The following ERC1 variants were observed in gnomAD, a reference collection of about 807,000 sequenced individuals.
ERC1 encodes ELKS/RAB6-interacting/CAST family member 1.
Under a neutral mutation model 132.0 loss-of-function variants are expected in ERC1, and 56 were observed. The ratio of observed to expected loss-of-function variants is 0.42; its 90% CI spans 0.34 to 0.53. The LOEUF (loss-of-function observed/expected upper bound fraction) is 0.53. Among genes scored for constraint, ERC1 ranks in the 20% least tolerant of loss-of-function variants. ERC1 has a pLI of 0.03. For synonymous variants in ERC1, 478 were observed against 476.1 expected (o/e 1.00, Z -0.05); for missense variants, 1,202 against 1,349.9 (o/e 0.89, Z 1.72).
At chr12:1,313,301 T>C (rs2081445186) in intron 15 of ERC1, among the ~76,000 whole-genome samples, 1 of 152,098 alleles carries the variant, frequency 6.6e-6, no homozygotes, top group Non-Finnish European at 1.5e-5. Flanking sequence ...GCCAGAACTT[T>C]GTAGCGTGCC....
At chr12:1,104,398 A>C (rs1945019174) in intron 3 of ERC1, among the ~76,000 whole-genome samples, 1 of 152,152 alleles carries the variant, frequency 6.6e-6, no homozygotes, top group Non-Finnish European at 1.5e-5. Context: ...TCTAATCCCC[A>C]TTTTGGATCA....
At chr12:1,252,172 A>G (rs1268734214) in intron 13 of ERC1, among the ~76,000 whole-genome samples, 1 of 152,140 alleles carries the variant, frequency 6.6e-6, no homozygotes, top group Non-Finnish European at 1.5e-5. Context: ...GTATTTTAAC[A>G]TGTACAACAA....
rs1172277834 is a variant in ERC1, at chr12:1,424,836, TAGATAGATGATAGATAGATAGATAGATC to T, written c.3024+16590_3024+16617del. Among the ~76,000 whole-genome samples, 1,094 of 115,042 alleles carry T rather than the reference TAGATAGATGATAGATAGATAGATAGATC, an allele frequency of 9.5e-3. 5 individuals are homozygous for T. The highest frequency in any genetic ancestry group is 0.019 in the African/African-American group (572 of 30,522). 75.5% of individuals were successfully genotyped at this position (115,042 alleles called of 152,430 possible). A position where few individuals can be genotyped will look rare whatever the true frequency, so the allele number is the denominator to read the frequency against. On this transcript the variant is annotated intron_variant, in intron 17 of 18. Transcript: ENST00000360905. ...ATAGATAGATAGATAGATAGATAGA[TAGATAGATGATAGATAGATAGATAGATC>T]GATAGATAGATAGATAGATAGATAG...
chr12:1,409,835 A>C (rs2091737834), intron 17 of ERC1, among the ~76,000 whole-genome samples: 2 of 152,050 alleles, frequency 1.3e-5, no homozygotes, highest in South Asian at 4.1e-4. Context: ...CACCCTTCTG[A>C]GTAGCTGGGA....
At chr12:1,095,266 C>T (rs986642705) in intron 3 of ERC1, among the ~76,000 whole-genome samples, 1 of 151,858 alleles carries the variant, frequency 6.6e-6, no homozygotes, top group Non-Finnish European at 1.5e-5. Flanking sequence ...GCCGTCTCTA[C>T]TAAAAATACA....
chr12:1,320,850 C>T (rs1041390729), intron 15 of ERC1, among the ~76,000 whole-genome samples: 16 of 152,154 alleles, frequency 1.1e-4, no homozygotes, highest in African/African-American at 3.4e-4. Context: ...TACAGGCGCC[C>T]GCCACCACGC....
chr12:1,030,081 T>G (rs1483265258), intron 2 of ERC1, among the ~76,000 whole-genome samples: 1 of 152,168 alleles, frequency 6.6e-6, no homozygotes, highest in African/African-American at 2.4e-5. Flanking sequence ...AGAATTTTTC[T>G]CTTTTCACAT....
At chr12:1,366,113 G>A (rs1172012673) in intron 15 of ERC1, among the ~76,000 whole-genome samples, 6 of 152,176 alleles carry the variant, frequency 3.9e-5, no homozygotes, top group African/African-American at 1.2e-4. Context: ...TTTGTAAGAT[G>A]AAGAGAGTTC....
chr12:1,428,830 A>G (rs1419496987), intron 17 of ERC1, among the ~76,000 whole-genome samples: 1 of 152,208 alleles, frequency 6.6e-6, no homozygotes, highest in East Asian at 1.9e-4. Context: ...TAAAAGAGCT[A>G]TTCTCCCTGA....
intron 12 of ERC1, among the ~76,000 whole-genome samples, chr12:1,213,956 A>C (rs1189485448): frequency 6.6e-6 from 1 of 152,128 alleles, no homozygotes; most frequent in Admixed American, 6.6e-5. Flanking sequence ...AAGGAAATGA[A>C]TCCATATGAG....
intron 18 of ERC1, among the ~76,000 whole-genome samples, chr12:1,488,825 C>T (rs1401201840): frequency 6.6e-6 from 1 of 152,194 alleles, no homozygotes; most frequent in Non-Finnish European, 1.5e-5. Context: ...ACACCTCCTC[C>T]TTTTAGTCCT....
chr12:1,022,002 A>G (rs892026582), intron 1 of ERC1, among the ~76,000 whole-genome samples: 4 of 152,200 alleles, frequency 2.6e-5, no homozygotes, highest in African/African-American at 9.7e-5. Flanking sequence ...AACATTACTT[A>G]TGTTTACTTT....
At chr12:1,010,326 C>G (rs539709370) in intron 1 of ERC1, among the ~76,000 whole-genome samples, 1 of 151,404 alleles carries the variant, frequency 6.6e-6, no homozygotes, top group Non-Finnish European at 1.5e-5. Context: ...ACTAAAAATA[C>G]AAAAATTAGC....
At chr12:1,405,373 A>G (rs1330637248) in intron 16 of ERC1, among the ~76,000 whole-genome samples, 1 of 151,910 alleles carries the variant, frequency 6.6e-6, no homozygotes. Flanking sequence ...GAAAATGTAA[A>G]GAACCTAAAT....
At position 1,379,025 on chromosome 12, in the gene ERC1, A is replaced by G. The variant is rs768654710; in HGVS notation, c.2925+7048A>G. On this transcript the variant is annotated intron_variant, in intron 16 of 18. Transcript: ENST00000360905. ...AATATATTGTGTGATATTTTGGTCT[A>G]ATTTTTCACTTTCAGTTTGTTGCTG... Among the ~76,000 whole-genome samples, 11 of 152,202 alleles carry G rather than the reference A, an allele frequency of 7.2e-5. No homozygotes were observed. The East Asian group carries it at 1.2e-3, about 16-fold the overall frequency.
chr12:1,213,604 G>A (rs545303652), intron 12 of ERC1, among the ~76,000 whole-genome samples: 1 of 152,040 alleles, frequency 6.6e-6, no homozygotes, highest in East Asian at 1.9e-4. Flanking sequence ...GGTTGTGGTG[G>A]TGGGCACCTG....
At chr12:1,208,311 A>G (rs2154289005) in intron 12 of ERC1, among the ~76,000 whole-genome samples, 1 of 151,858 alleles carries the variant, frequency 6.6e-6, no homozygotes, top group Admixed American at 6.5e-5. Context: ...AATATGGCCC[A>G]ACACAAATTT....
At chr12:1,286,606 T>C (rs2079059897) in intron 14 of ERC1, among the ~76,000 whole-genome samples, 1 of 151,808 alleles carries the variant, frequency 6.6e-6, no homozygotes, top group Admixed American at 6.6e-5. Context: ...GCATGGCAAG[T>C]GAAAGAAGTG....
At chr12:1,461,600 A>G (rs747394741) in intron 18 of ERC1, among the ~76,000 whole-genome samples, 1 of 152,132 alleles carries the variant, frequency 6.6e-6, no homozygotes, top group Non-Finnish European at 1.5e-5. Context: ...CCCAGGAGGC[A>G]GAGGTTGCGT....
Sources: gnomAD v4.1 joint callset for allele counts (sites outside exome capture counted in the v4.1 genomes callset) on GRCh38, gnomAD v4.1.1 for gene constraint, MANE v1.5 for transcripts, NCBI Gene and HGNC (gene_info 2026-07-23, HGNC 2026-07-21) for gene names.